Variants in ZNF644 observed in about 807,000 individuals in gnomAD.
ZNF644 encodes the protein zinc finger motif enhancer binding protein 2.
ZNF644 carries 20 observed loss-of-function variants against 108.0 expected under a neutral mutation model. The observed-to-expected ratio is 0.19, with a 90% CI of 0.13 to 0.27. ZNF644 has a LOEUF of 0.27. ZNF644 is among the 10% of genes least tolerant of loss of function. The pLI, the probability that ZNF644 is intolerant of heterozygous loss-of-function variation, is 1.00. For missense variants in ZNF644, 1,338 were observed against 1,548.9 expected (o/e 0.86, Z 2.29); for synonymous variants, 542 against 539.1 (o/e 1.01, Z -0.08).
intron 4 of ZNF644, among the ~76,000 whole-genome samples, chr1:90,927,089 A>G (rs1355709388): frequency 7.0e-6 from 1 of 141,912 alleles, no homozygotes; most frequent in East Asian, 2.1e-4. Context: ...CCCGACCCCC[A>G]TTTCCATTTC....
chr1:90,988,475 C>T (rs1379578595), intron 1 of ZNF644, among the ~76,000 whole-genome samples: 1 of 152,112 alleles, frequency 6.6e-6, no homozygotes, highest in African/African-American at 2.4e-5. Context: ...CAGCAATCTA[C>T]AGATTCAATG....
At chr1:90,942,452 C>T (rs1223555139) in intron 2 of ZNF644, among the ~76,000 whole-genome samples, 1 of 152,070 alleles carries the variant, frequency 6.6e-6, no homozygotes, top group Non-Finnish European at 1.5e-5. Context: ...CTGCCTTCTT[C>T]AAAGAATGTC....
chr1:90,947,972 G>GT (rs1212252768), intron 2 of ZNF644, among the ~76,000 whole-genome samples: 2 of 152,106 alleles, frequency 1.3e-5, no homozygotes, highest in Admixed American at 6.5e-5. Context: ...CATTGTCATT[G>GT]TAAGTCAGGG....
chr1:90,967,895 A>C (rs71584987), intron 2 of ZNF644, among the ~76,000 whole-genome samples: 2 of 29,986 alleles, frequency 6.7e-5, no homozygotes, highest in African/African-American at 1.4e-4. Flanking sequence ...AAAAAAATAC[A>C]AAAAAAAAAA....
intron 2 of ZNF644, among the ~76,000 whole-genome samples, chr1:90,978,635 C>T (rs4658090): frequency 0.34 from 51,164 of 151,922 alleles, 9,849 homozygotes; most frequent in Non-Finnish European, 0.44. Context: ...GCAGTCTTAG[C>T]AGCAGCTGCC....
chr1:91,004,418 G>GA (rs1659211260), intron 1 of ZNF644, among the ~76,000 whole-genome samples: 1 of 152,278 alleles, frequency 6.6e-6, no homozygotes, highest in South Asian at 2.1e-4. Flanking sequence ...AGTACTGAAA[G>GA]AAAAAGACTC....
At chr1:90,961,522 T>C (rs1453796599) in intron 2 of ZNF644, among the ~76,000 whole-genome samples, 2 of 152,130 alleles carry the variant, frequency 1.3e-5, no homozygotes, top group African/African-American at 2.4e-5. Flanking sequence ...AAGTGTACAA[T>C]GGAGTTTTCC....
At chr1:90,974,364 A>C (rs1014267681) in intron 2 of ZNF644, among the ~76,000 whole-genome samples, 1 of 152,102 alleles carries the variant, frequency 6.6e-6, no homozygotes, top group Non-Finnish European at 1.5e-5. Context: ...TTAAGATTTC[A>C]CGCTGATGAT....
At chr1:90,965,757 T>A (rs1456819497) in intron 2 of ZNF644, among the ~76,000 whole-genome samples, 2 of 152,160 alleles carry the variant, frequency 1.3e-5, no homozygotes, top group South Asian at 4.1e-4. Flanking sequence ...ACTAACTCTC[T>A]CTTTTTTTTG....
At chr1:90,999,771 G>C (rs1658568280) in intron 1 of ZNF644, among the ~76,000 whole-genome samples, 1 of 152,188 alleles carries the variant, frequency 6.6e-6, no homozygotes. Flanking sequence ...AGACCCATCA[G>C]TGTGCTGTAT....
chr1:91,017,757 T>A (rs963248420), intron 1 of ZNF644, among the ~76,000 whole-genome samples: 1 of 151,754 alleles, frequency 6.6e-6, no homozygotes, highest in African/African-American at 2.4e-5. Context: ...AGGTCAGGAG[T>A]TCGAGACCAG....
At chr1:90,950,206 A>AG (rs1652947199) in intron 2 of ZNF644, among the ~76,000 whole-genome samples, 1 of 137,330 alleles carries the variant, frequency 7.3e-6, no homozygotes, top group Admixed American at 7.6e-5. Flanking sequence ...TGAACCCGGG[A>AG]GGAAAGGTTG....
intron 2 of ZNF644, among the ~76,000 whole-genome samples, chr1:90,946,017 AT>A (rs1652479561): frequency 6.6e-6 from 1 of 152,124 alleles, no homozygotes; most frequent in Non-Finnish European, 1.5e-5. Context: ...CCCTATGTTC[AT>A]TTAAATTATC....
At chr1:90,920,489 G>T (rs189325684) in intron 4 of ZNF644, among the ~76,000 whole-genome samples, 1 of 152,060 alleles carries the variant, frequency 6.6e-6, no homozygotes, top group East Asian at 1.9e-4. Context: ...TTTAAAAATG[G>T]AACTGGAAAT....
chr1:90,922,713 G>GT (rs1318884519), intron 4 of ZNF644, among the ~76,000 whole-genome samples: 2 of 151,840 alleles, frequency 1.3e-5, no homozygotes, highest in Admixed American at 6.6e-5. Flanking sequence ...CTGATAGGTA[G>GT]TTTTTTTTAT....
intron 1 of ZNF644, among the ~76,000 whole-genome samples, chr1:91,016,887 G>A (rs1187814916): frequency 6.6e-6 from 1 of 152,212 alleles, no homozygotes; most frequent in Admixed American, 6.5e-5. Flanking sequence ...CTAGAGTGCA[G>A]TGGCACGGCA....
chr1:90,983,607 G>A (rs1273200806), intron 1 of ZNF644, among the ~76,000 whole-genome samples: 5 of 151,776 alleles, frequency 3.3e-5, no homozygotes, highest in South Asian at 4.2e-4. Flanking sequence ...TTATAAGAAC[G>A]AGACACACAC....
At position 90,937,606 on chromosome 1, in the gene ZNF644, A is replaced by G. The variant is rs774716448; in HGVS notation, c.3567T>C (p.Ser1189=). 5 of 1,613,910 alleles carry G rather than the reference A, an allele frequency of 3.1e-6. No homozygotes were observed. In the East Asian group the frequency reaches 1.1e-4, roughly 36 times the overall value. ...RMGEERNSAI[S]PQKIHNQTAR... is the part of the protein sequence containing the mutation. ...CTGTCTGATTATGGATCTTTTGAGGAGAAATAGCAGAATTCCTTTCTTCTC... is the reference window on the plus strand; with the variant it reads ...CTGTCTGATTATGGATCTTTTGAGGGGAAATAGCAGAATTCCTTTCTTCTC... The change falls in exon 4 of 6, where the codon TCT becomes TCC. Residue 1189 remains serine (S), a synonymous_variant. Transcript: ENST00000337393.
intron 1 of ZNF644, among the ~76,000 whole-genome samples, chr1:91,010,925 C>T (rs192721178): frequency 1.3e-5 from 2 of 152,136 alleles, no homozygotes; most frequent in African/African-American, 4.8e-5. Context: ...TCAAACATAA[C>T]ATTCATTTTT....
Sources: gnomAD v4.1 joint callset for allele counts (sites outside exome capture counted in the v4.1 genomes callset) on GRCh38, gnomAD v4.1.1 for gene constraint, MANE v1.5 for transcripts, NCBI Gene and HGNC (gene_info 2026-07-23, HGNC 2026-07-21) for gene names.